The following SMG6 variants were observed in gnomAD, a reference collection of about 807,000 sequenced individuals.
SMG6 encodes SMG6 nonsense mediated mRNA decay factor, also known as telomerase-binding protein EST1A.
SMG6 carries 66 observed loss-of-function variants against 142.2 expected under a neutral mutation model. The observed-to-expected ratio is 0.46, with a 90% CI of 0.38 to 0.57. SMG6 has a LOEUF of 0.57. SMG6 is among the 20% of genes least tolerant of loss of function. The pLI is 0.00. For synonymous variants in SMG6, 779 were observed against 702.4 expected (o/e 1.11, Z -1.72); for missense variants, 1,793 against 1,832.0 (o/e 0.98, Z 0.39).
chr17:2,242,689 T>TAAAAAAAAAAAAAAAA (rs57079220), intron 9 of SMG6, among the ~76,000 whole-genome samples: 9 of 55,838 alleles, frequency 1.6e-4, no homozygotes, highest in African/African-American at 3.8e-4. Context: ...TCCATCTCTT[T>TAAAAAAAAAAAAAAAA]AAAAAAAAAA....
intron 8 of SMG6, among the ~76,000 whole-genome samples, chr17:2,252,507 A>C (rs550764293): frequency 6.6e-6 from 1 of 152,358 alleles, no homozygotes; most frequent in Admixed American, 6.5e-5. Flanking sequence ...GTATGAACAG[A>C]GACCGCTGAT....
chr17:2,256,658 C>T (rs1308747723), intron 8 of SMG6, among the ~76,000 whole-genome samples: 2 of 152,142 alleles, frequency 1.3e-5, no homozygotes, highest in East Asian at 3.9e-4. Context: ...ACCTGTAGTT[C>T]TAGCTACTTG....
In SMG6 at chr17:2,222,549, CGGGGGGGGGGGG is replaced by C. The variant is rs77237774; in HGVS notation, c.2869+13931_2869+13942del. Among the ~76,000 whole-genome samples the C allele has an allele frequency of 2.0e-3, 15 of 7,486 alleles. 4 individuals carry two copies. The highest frequency in any genetic ancestry group is 0.014 in the East Asian group (3 of 220). The allele number at this position is 7,486 out of a possible 152,430, so 4.9% of individuals were successfully genotyped here. A position where few individuals can be genotyped will look rare whatever the true frequency, so the allele number is the denominator to read the frequency against. On this transcript the variant is annotated intron_variant, in intron 10 of 18. Coordinates refer to ENST00000263073, the MANE Select transcript of SMG6 (RefSeq NM_017575.5). ...AGCTCAGAGAGAGGCAATGCGGGGG[CGGGGGGGGGGGG>C]GGGGGGCAGGAGAAGAGGTCCATAT... is the stretch of plus-strand genomic sequence containing the variant.
At chr17:2,090,368 G>C (rs994552137) in intron 13 of SMG6, among the ~76,000 whole-genome samples, 2 of 151,960 alleles carry the variant, frequency 1.3e-5, no homozygotes, top group African/African-American at 4.8e-5. Context: ...GAGAGAACGG[G>C]AACTAAGCAC....
chr17:2,063,823 A>T (rs2067857357), intron 18 of SMG6, among the ~76,000 whole-genome samples: 1 of 152,164 alleles, frequency 6.6e-6, no homozygotes, highest in African/African-American at 2.4e-5. Flanking sequence ...TGTGGTGGGC[A>T]GAGGGGAGAA....
chr17:2,220,183 C>T (rs995693035), intron 10 of SMG6, among the ~76,000 whole-genome samples: 2 of 152,126 alleles, frequency 1.3e-5, no homozygotes, highest in African/African-American at 4.8e-5. Context: ...TGATTACAGG[C>T]ATGAGCCACC....
intron 8 of SMG6, among the ~76,000 whole-genome samples, chr17:2,245,376 A>C (rs910027293): frequency 2.2e-4 from 33 of 152,000 alleles, no homozygotes; most frequent in African/African-American, 8.0e-4. Context: ...TGGAAACTGC[A>C]ATCTGGGTTT....
intron 13 of SMG6, among the ~76,000 whole-genome samples, chr17:2,092,239 G>A (rs1567591336): frequency 6.6e-6 from 1 of 152,092 alleles, no homozygotes; most frequent in Non-Finnish European, 1.5e-5. Flanking sequence ...ACCGCGCCCG[G>A]CCTTTCTCAG....
At chr17:2,100,134 T>C (rs1180612617) in intron 13 of SMG6, among the ~76,000 whole-genome samples, 1 of 151,492 alleles carries the variant, frequency 6.6e-6, no homozygotes, top group East Asian at 1.9e-4. Context: ...ACCTCCCAGA[T>C]CTAAGCAATT....
At chr17:2,288,307 C>T (rs1163811267) in intron 6 of SMG6, among the ~76,000 whole-genome samples, 1 of 146,164 alleles carries the variant, frequency 6.8e-6, no homozygotes, top group African/African-American at 2.6e-5. Context: ...GAGCGAGACT[C>T]CATCACAAAA....
rs753610039 is a variant in SMG6 at position 2,299,937 on chromosome 17, G to A, written c.816C>T (p.Gly272=). 1.2e-6 allele frequency: 2 copies of A among 1,614,086 alleles called. No homozygotes were observed. Among genetic ancestry groups the A allele is most frequent in the Admixed American group, 1.7e-5 (1 of 60,020 alleles). ...AGSNNSAEGA[G]LTDNGCRRRR... ...GGCGGCGACATCCATTATCCGTCAG[G>A]CCAGCTCCCTCAGCGCTGTTGTTGC... Residue 272 remains glycine, a synonymous_variant, in exon 2 of 19, where the codon GGC becomes GGT. Coordinates refer to ENST00000263073, the MANE Select transcript of SMG6 (RefSeq NM_017575.5). The surrounding 1 kb of genome is among the most constrained non-coding windows in gnomAD (Gnocchi z 4.3).
chr17:2,131,030 T>C (rs923059353), intron 13 of SMG6, among the ~76,000 whole-genome samples: 1 of 152,098 alleles, frequency 6.6e-6, no homozygotes, highest in Admixed American at 6.6e-5. Flanking sequence ...GACAAACTCC[T>C]GCACAGAGAT....
chr17:2,061,382 T>TG lies in SMG6; in HGVS notation c.*109dup, dbSNP rs1220375917. On this transcript the variant is annotated 3_prime_UTR_variant, in exon 19 of 19. Transcript: ENST00000263073. Reference sequence around the variant, plus strand: ...CGTGGGTTGGAAGAGGATGGTTTATTGTCTGGGTGGATTGGTGGCTCAGGC... The same window carrying TG: ...CGTGGGTTGGAAGAGGATGGTTTATTGGTCTGGGTGGATTGGTGGCTCAGGC... 2.7e-6 allele frequency: 3 copies of TG among 1,097,422 alleles called. No homozygotes were observed. Among genetic ancestry groups the TG allele is most frequent in the Admixed American group, 4.6e-5 (2 of 43,784 alleles). The allele number at this position is 1,097,422 out of a possible 1,614,324, so 68.0% of individuals were successfully genotyped here.
chr17:2,267,353 C>T (rs1453377485), intron 8 of SMG6, among the ~76,000 whole-genome samples: 2 of 141,946 alleles, frequency 1.4e-5, no homozygotes, highest in Non-Finnish European at 3.2e-5. Flanking sequence ...ACCCACCACA[C>T]CTGGCTAATT....
intron 13 of SMG6, among the ~76,000 whole-genome samples, chr17:2,100,956 T>G (rs573567822): frequency 6.6e-6 from 1 of 152,148 alleles, no homozygotes; most frequent in Non-Finnish European, 1.5e-5. Context: ...CTGGCCAGAA[T>G]GTGTGTAAGT....
chr17:2,230,322 AAAAAAAAAAAAAAAG>A lies in SMG6; in HGVS notation c.2869+6155_2869+6169del, dbSNP rs1162740836. Among the ~76,000 whole-genome samples the A allele has an allele frequency of 3.3e-3, 391 of 119,108 alleles. 16 individuals are homozygous for A. Among genetic ancestry groups the A allele is most frequent in the South Asian group, 0.014 (45 of 3,134 alleles). The allele number at this position is 119,108 out of a possible 152,430, so 78.1% of individuals were successfully genotyped here. Reference sequence around the variant, plus strand: ...TGTCGGGGCAAAAAAAAAAAAAAAAAAAAAAAAAAAAAAAGGGAAAACCACAAACAATCAAATTGA... The same window carrying A: ...TGTCGGGGCAAAAAAAAAAAAAAAAAGGAAAACCACAAACAATCAAATTGA... On this transcript the variant is annotated intron_variant, in intron 10 of 18. Coordinates refer to ENST00000263073, the MANE Select transcript of SMG6 (RefSeq NM_017575.5).
chr17:2,108,751 G>T (rs1032411527), intron 13 of SMG6, among the ~76,000 whole-genome samples: 8 of 152,150 alleles, frequency 5.3e-5, no homozygotes, highest in Non-Finnish European at 1.0e-4. Flanking sequence ...AGAACAGCCT[G>T]GCCAATACAG....
intron 1 of SMG6, 164 bp downstream of exon 1, chr17:2,303,469 G>A (rs2075334330): frequency 8.3e-6 from 11 of 1,319,138 alleles, no homozygotes; most frequent in Admixed American, 4.2e-5. Context: ...GCACTAACCC[G>A]CGAGAGAGGT....
intron 6 of SMG6, among the ~76,000 whole-genome samples, chr17:2,286,577 C>T (rs1312484354): frequency 6.6e-6 from 1 of 152,092 alleles, no homozygotes; most frequent in Non-Finnish European, 1.5e-5. Flanking sequence ...TGGACCTTTA[C>T]CTCATACTAT....
Sources: gnomAD v4.1 joint callset for allele counts (sites outside exome capture counted in the v4.1 genomes callset) on GRCh38, gnomAD v4.1.1 for gene constraint, Gnocchi (gnomAD v3.1) non-coding constraint, MANE v1.5 for transcripts, NCBI Gene and HGNC (gene_info 2026-07-23, HGNC 2026-07-21) for gene names.